EVA1A: variants seen among roughly 807,000 people sequenced by gnomAD.
EVA1A encodes protein eva-1 homolog A.
A neutral mutation model predicts 9.8 loss-of-function variants in EVA1A; 7 were observed. That is an observed-to-expected ratio of 0.71 (90% CI 0.41 to 1.34). The LOEUF is 1.34. Ranked by LOEUF, EVA1A falls within the 40% of genes most tolerant of loss-of-function variation. The pLI is 0.01. For missense variants in EVA1A, 206 were observed against 205.9 expected (o/e 1.00, Z 0.00); for synonymous variants, 90 against 85.6 (o/e 1.05, Z -0.28).
chr2:75,540,318 C>T (rs1260628345), intron 1 of EVA1A, among the ~76,000 whole-genome samples: 1 of 152,236 alleles, frequency 6.6e-6, no homozygotes, highest in African/African-American at 2.4e-5. Flanking sequence ...TTTAGAGCCA[C>T]ATTTTCTCAT....
In EVA1A at chr2:75,493,457, C is replaced by CGCTGCTGCT. The variant is rs768566625; in HGVS notation, c.229_237dup (p.Ser77_Ser79dup). On this transcript the variant is annotated inframe_insertion, in exon 4 of 4. Transcript: ENST00000393913. ...CTGCCATCCTCGCTGTCGCTGCTGT[C>CGCTGCTGCT]GCTGCTGCTCTCTCTGTCCTGCAGG... The CGCTGCTGCT allele has an allele frequency of 1.9e-6, 3 of 1,612,200 alleles. No individual in the cohort carries two copies. In the East Asian group the frequency reaches 6.7e-5, roughly 36 times the overall value.
At chr2:75,507,252 A>C (rs2103807806) in intron 3 of EVA1A, among the ~76,000 whole-genome samples, 1 of 152,300 alleles carries the variant, frequency 6.6e-6, no homozygotes, top group Middle Eastern at 3.4e-3. Context: ...ACAGGCCTGA[A>C]GTTTGCTTTC....
intron 3 of EVA1A, among the ~76,000 whole-genome samples, chr2:75,513,526 T>C (rs1466186444): frequency 6.6e-6 from 1 of 152,194 alleles, no homozygotes; most frequent in African/African-American, 2.4e-5. Context: ...TATTTCTGTC[T>C]CTGACTGGGT....
At chr2:75,545,122 G>T (rs576593199) in intron 1 of EVA1A, among the ~76,000 whole-genome samples, 17 of 152,238 alleles carry the variant, frequency 1.1e-4, no homozygotes, top group Middle Eastern at 3.4e-3. Context: ...AGATTTCATT[G>T]AAGAGTTTTA....
chr2:75,514,243 T>C lies in EVA1A; in HGVS notation c.85+3813A>G, dbSNP rs184423883. 2.1e-3 allele frequency among the ~76,000 whole-genome samples: 323 copies of C among 152,280 alleles called. 1 individual carries two copies. Among genetic ancestry groups the C allele is most frequent in the Non-Finnish European group, 3.7e-3 (252 of 68,032 alleles). On this transcript the variant is annotated intron_variant, in intron 3 of 3. Transcript: ENST00000393913. ...ACCCAAACCAGTTGGATATGGGCAGTGAAGAAGATGCATCAAAGGTTAAAA... is the reference window on the plus strand; with the variant it reads ...ACCCAAACCAGTTGGATATGGGCAGCGAAGAAGATGCATCAAAGGTTAAAA...
intron 3 of EVA1A, among the ~76,000 whole-genome samples, chr2:75,503,675 C>T (rs1384640240): frequency 1.3e-5 from 2 of 152,014 alleles, no homozygotes; most frequent in Non-Finnish European, 2.9e-5. Context: ...TTGGTTTTGA[C>T]AAATATTGCA....
chr2:75,515,453 G>A (rs1674970044), intron 3 of EVA1A, among the ~76,000 whole-genome samples: 1 of 152,220 alleles, frequency 6.6e-6, no homozygotes, highest in Non-Finnish European at 1.5e-5. Flanking sequence ...AACTTGTACA[G>A]AGTGAGAAAG....
At chr2:75,554,949 C>T (rs1676649407) in intron 1 of EVA1A, among the ~76,000 whole-genome samples, 1 of 152,194 alleles carries the variant, frequency 6.6e-6, no homozygotes, top group Non-Finnish European at 1.5e-5. Context: ...TTCCTTCAGA[C>T]CATGAGCATC....
intron 1 of EVA1A, among the ~76,000 whole-genome samples, chr2:75,543,143 G>T (rs549703827): frequency 1.3e-5 from 2 of 152,124 alleles, no homozygotes; most frequent in Admixed American, 1.3e-4. Flanking sequence ...CGATACATGC[G>T]CTTGAATAAT....
At chr2:75,534,460 C>T (rs80032075) in intron 1 of EVA1A, among the ~76,000 whole-genome samples, 7,092 of 147,768 alleles carry the variant, frequency 0.048, 566 homozygotes, top group African/African-American at 0.17. Context: ...AAAAACACTA[C>T]GAACAAATCA....
chr2:75,543,795 G>A (rs1676225178), intron 1 of EVA1A, among the ~76,000 whole-genome samples: 1 of 152,124 alleles, frequency 6.6e-6, no homozygotes. Context: ...GCTCCCCGGA[G>A]GTGAAAGCCC....
chr2:75,524,568 T>G (rs1675352228), intron 1 of EVA1A, among the ~76,000 whole-genome samples: 1 of 152,174 alleles, frequency 6.6e-6, no homozygotes. Context: ...TTGCAAATGC[T>G]GAGTTTACAA....
At chr2:75,541,358 G>A (rs1007160692) in intron 1 of EVA1A, among the ~76,000 whole-genome samples, 4 of 152,178 alleles carry the variant, frequency 2.6e-5, no homozygotes, top group African/African-American at 7.2e-5. Flanking sequence ...GACTATACGA[G>A]TCGGAACCTC....
intron 1 of EVA1A, among the ~76,000 whole-genome samples, chr2:75,534,643 G>T (rs1159749788): frequency 6.6e-6 from 1 of 152,048 alleles, no homozygotes; most frequent in Non-Finnish European, 1.5e-5. Flanking sequence ...TTGGCAAAGT[G>T]GATTTTAAAA....
chr2:75,527,595 G>C (rs1175246908), intron 1 of EVA1A, among the ~76,000 whole-genome samples: 1 of 152,106 alleles, frequency 6.6e-6, no homozygotes, highest in Non-Finnish European at 1.5e-5. Flanking sequence ...AGGGATAATA[G>C]AATTATCTGG....
intron 2 of EVA1A, chr2:75,518,875 C>G (rs1199308434): frequency 2.0e-6 from 2 of 985,182 alleles, no homozygotes; most frequent in African/African-American, 3.5e-5. Context: ...GCTGGCTATC[C>G]CAGAACTGCC....
intron 1 of EVA1A, among the ~76,000 whole-genome samples, chr2:75,542,981 C>G (rs1676190197): frequency 6.6e-6 from 1 of 152,028 alleles, no homozygotes; most frequent in Non-Finnish European, 1.5e-5. Flanking sequence ...AGTGCCCATC[C>G]CTGGAACCAC....
chr2:75,503,287 C>T (rs1412658893), intron 3 of EVA1A, among the ~76,000 whole-genome samples: 1 of 152,220 alleles, frequency 6.6e-6, no homozygotes, highest in Non-Finnish European at 1.5e-5. Context: ...CAGGTCACTT[C>T]CTCTTGGCCA....
chr2:75,552,127 C>T (rs1676546260), intron 1 of EVA1A, among the ~76,000 whole-genome samples: 1 of 151,692 alleles, frequency 6.6e-6, no homozygotes, highest in South Asian at 2.1e-4. Context: ...TTCAAGACTG[C>T]AGTGAGCTAT....
Sources: allele counts gnomAD v4.1 joint callset (sites outside exome capture counted in the v4.1 genomes callset), GRCh38; gene constraint gnomAD v4.1.1; transcripts MANE v1.5; gene names NCBI Gene and HGNC (gene_info 2026-07-23, HGNC 2026-07-21).